Variants in KCNMA1 observed in about 807,000 individuals in gnomAD.
KCNMA1 encodes the protein potassium calcium-activated channel subfamily M alpha 1.
Under a neutral mutation model 140.0 loss-of-function variants are expected in KCNMA1, and 29 were observed. The ratio of observed to expected loss-of-function variants is 0.21; its 90% confidence interval spans 0.15 to 0.28. The LOEUF is 0.28. Ranked by LOEUF, KCNMA1 falls within the 10% of genes least tolerant of loss-of-function variation. The probability of loss-of-function intolerance (pLI) is 1.00; values close to 1 mark genes in which losing one functional copy is unlikely to be tolerated. For synonymous variants in KCNMA1, 612 were observed against 611.9 expected, an observed-to-expected ratio of 1.00 and a Z score of 0.00; for missense variants, 880 against 1,602.2, an observed-to-expected ratio of 0.55 and a Z score of 7.70.
chr10:77,314,226 A>G (rs1214905315), intron 2 of KCNMA1: 1 of 152,222 alleles, frequency 6.6e-6, no homozygotes, highest in Non-Finnish European at 1.5e-5. Context: ...CCATTCATCC[A>G]GTGATTTTCA....
intron 1 of KCNMA1, chr10:77,635,205 T>C (rs1448809935): frequency 2.0e-5 from 3 of 152,178 alleles, no homozygotes; most frequent in Non-Finnish European, 4.4e-5. Flanking sequence ...TGCTCATCAT[T>C]TAGGAGATCC....
intron 19 of KCNMA1, among the ~76,000 whole-genome samples, chr10:76,994,418 AAGAGT>A (rs2083614366): frequency 6.6e-6 from 1 of 152,216 alleles, no homozygotes. Flanking sequence ...TGCACACAGT[AAGAGT>A]AGAGACTACA....
intron 2 of KCNMA1, among the ~76,000 whole-genome samples, chr10:77,318,795 T>C (rs2081555334): frequency 6.6e-6 from 1 of 152,028 alleles, no homozygotes; most frequent in African/African-American, 2.4e-5. Flanking sequence ...TGAGGAAGGT[T>C]TTTGTATCCT....
chr10:77,596,008 T>C (rs992330343), intron 1 of KCNMA1, among the ~76,000 whole-genome samples: 4 of 152,186 alleles, frequency 2.6e-5, no homozygotes, highest in Non-Finnish European at 5.9e-5. Flanking sequence ...GGACAGGCCA[T>C]GCTGGGCCAC....
chr10:77,181,860 T>G (rs1479008028), intron 5 of KCNMA1, among the ~76,000 whole-genome samples: 1 of 152,150 alleles, frequency 6.6e-6, no homozygotes, highest in Non-Finnish European at 1.5e-5. Context: ...CAAGAGAATA[T>G]AATTCTAATG....
chr10:77,406,004 G>C (rs577843262), intron 1 of KCNMA1, among the ~76,000 whole-genome samples: 1 of 152,128 alleles, frequency 6.6e-6, no homozygotes, highest in Non-Finnish European at 1.5e-5. Flanking sequence ...AGCCCTGGAC[G>C]CTAATATTTT....
intron 19 of KCNMA1, among the ~76,000 whole-genome samples, chr10:76,988,851 A>T (rs2081993521): frequency 6.6e-6 from 1 of 152,186 alleles, no homozygotes; most frequent in Non-Finnish European, 1.5e-5. Context: ...ATTTATTTTC[A>T]TCCATCAAAT....
chr10:77,065,207 T>G (rs1285847884), intron 14 of KCNMA1, among the ~76,000 whole-genome samples: 10 of 152,030 alleles, frequency 6.6e-5, no homozygotes, highest in Non-Finnish European at 1.2e-4. Context: ...TTCACAGTGC[T>G]CACCTTGTCC....
At chr10:77,033,766 T>A (rs906550393) in intron 15 of KCNMA1, among the ~76,000 whole-genome samples, 1 of 152,138 alleles carries the variant, frequency 6.6e-6, no homozygotes, top group African/African-American at 2.4e-5. Flanking sequence ...AGGATTTCAA[T>A]AGACTTTAGG....
At chr10:77,534,105 G>T (rs573346506) in intron 1 of KCNMA1, among the ~76,000 whole-genome samples, 131 of 152,274 alleles carry the variant, frequency 8.6e-4, no homozygotes, top group African/African-American at 3.0e-3. Context: ...CTCCTCCCCA[G>T]CTTCTCCCTA....
At chr10:77,067,456 A>G (rs2095998224) in intron 14 of KCNMA1, among the ~76,000 whole-genome samples, 1 of 152,100 alleles carries the variant, frequency 6.6e-6, no homozygotes, top group Admixed American at 6.5e-5. Flanking sequence ...CCTGTGGGCC[A>G]ATTCTTTATA....
intron 5 of KCNMA1, among the ~76,000 whole-genome samples, chr10:77,131,964 C>CAAAA (rs34972346): frequency 7.6e-5 from 7 of 92,452 alleles, no homozygotes; most frequent in Admixed American, 1.1e-4. Flanking sequence ...GACTCGGTCT[C>CAAAA]AAAAAAAAAA....
chr10:77,105,902 A>G (rs906210759), intron 9 of KCNMA1, among the ~76,000 whole-genome samples: 1 of 152,212 alleles, frequency 6.6e-6, no homozygotes, highest in Non-Finnish European at 1.5e-5. Context: ...AAGAAAACTT[A>G]TTGATTCTGA....
chr10:76,979,743 A>G (rs1032180360), intron 19 of KCNMA1: 1 of 152,232 alleles, frequency 6.6e-6, no homozygotes, highest in Non-Finnish European at 1.5e-5. Context: ...CATTGAGCCA[A>G]TGGTGTCAAG....
chr10:77,612,593 C>T (rs1375803489), intron 1 of KCNMA1, among the ~76,000 whole-genome samples: 3 of 152,212 alleles, frequency 2.0e-5, no homozygotes, highest in Non-Finnish European at 4.4e-5. Flanking sequence ...CCTCCAAGAA[C>T]AGGCGGCTGC....
chr10:77,301,281 T>C (rs1214417935), intron 2 of KCNMA1, among the ~76,000 whole-genome samples: 3 of 152,240 alleles, frequency 2.0e-5, no homozygotes, highest in Non-Finnish European at 2.9e-5. Context: ...CCAGCCATCT[T>C]AAGCTCAGAT....
chr10:77,175,491 G>A (rs1417693991), intron 5 of KCNMA1, among the ~76,000 whole-genome samples: 1 of 152,134 alleles, frequency 6.6e-6, no homozygotes, highest in East Asian at 1.9e-4. Context: ...ACTGTTCCAG[G>A]TACTAGGGAC....
intron 3 of KCNMA1, among the ~76,000 whole-genome samples, chr10:77,225,671 GCCA>G (rs1478983151): frequency 2.0e-5 from 3 of 152,186 alleles, no homozygotes; most frequent in Admixed American, 2.0e-4. Flanking sequence ...TGGGCACTGT[GCCA>G]CCACCACTGA....
intron 2 of KCNMA1, among the ~76,000 whole-genome samples, chr10:77,384,390 C>G (rs2095532110): frequency 6.6e-6 from 1 of 152,202 alleles, no homozygotes; most frequent in Non-Finnish European, 1.5e-5. Context: ...CAGCATCACT[C>G]CAGACTTTTT....
Sources: gnomAD v4.1 joint callset for allele counts (sites outside exome capture counted in the v4.1 genomes callset) on GRCh38, gnomAD v4.1.1 for gene constraint, MANE v1.5 for transcripts, NCBI Gene and HGNC (gene_info 2026-07-23, HGNC 2026-07-21) for gene names.